KCNU1: variants seen among roughly 807,000 people sequenced by gnomAD.
KCNU1 encodes potassium channel subfamily U member 1.
KCNU1 carries 93 observed loss-of-function variants against 126.8 expected under a neutral mutation model. The observed-to-expected ratio is 0.73, with a 90% CI of 0.62 to 0.87. KCNU1 has a LOEUF of 0.87. Among genes scored for constraint, KCNU1 ranks in the 40% least tolerant of loss-of-function variants. KCNU1 has a pLI of 0.00. For missense variants in KCNU1, 1,330 were observed against 1,367.1 expected (o/e 0.97, Z 0.43); for synonymous variants, 523 against 494.2 (o/e 1.06, Z -0.77).
At chr8:36,833,729 G>C (rs1419831200) in intron 11 of KCNU1, 70 bp downstream of exon 11, 1 of 870,448 alleles carries the variant, frequency 1.1e-6, no homozygotes, top group Non-Finnish European at 1.9e-6. Context: ...AGGATATATT[G>C]CTTTTTAAAA....
intron 16 of KCNU1, among the ~76,000 whole-genome samples, chr8:36,843,493 A>G (rs1042459911): frequency 2.6e-5 from 4 of 152,170 alleles, no homozygotes; most frequent in Admixed American, 1.3e-4. Flanking sequence ...TATTAGTCTC[A>G]TTTTACAGAG....
intron 10 of KCNU1, among the ~76,000 whole-genome samples, chr8:36,828,682 T>C (rs1430821948): frequency 6.6e-6 from 1 of 152,096 alleles, no homozygotes; most frequent in African/African-American, 2.4e-5. Flanking sequence ...ATTTTGCAAT[T>C]GGAAATAGTT....
chr8:36,891,445 A>AGGAT (rs1182639569), intron 19 of KCNU1, among the ~76,000 whole-genome samples: 2 of 151,994 alleles, frequency 1.3e-5, no homozygotes, highest in South Asian at 2.1e-4. Flanking sequence ...ATAATACAAA[A>AGGAT]GGATGGATGG....
Position 36,935,601 on chromosome 8 carries a change from A to T in KCNU1, c.3131A>T (p.Tyr1044Phe), listed in dbSNP as rs774491968. 2 of 1,613,342 alleles carry T rather than the reference A, an allele frequency of 1.2e-6. No homozygotes were observed. The highest frequency in any genetic ancestry group is 1.7e-6 in the Non-Finnish European group (2 of 1,179,440). ...GCCATACCCTTCAGCACTGCTTGTT[A>T]TAAAAGGAATGAAGAGTTCTCATTG... ...FCAIPFSTAC[Y>F]KRNEEFSLQK... is the part of the protein sequence containing the mutation. The change falls in exon 27 of 27, where the codon TAT (tyrosine) becomes TTT (phenylalanine). Residue 1044 changes from tyrosine (Y) to phenylalanine (F), a missense_variant. This residue lies in a region of KCNU1 where 1,054 missense variants were observed against 1,053.9 expected (regional missense o/e 1.00). Coordinates refer to ENST00000399881, the MANE Select transcript of KCNU1 (RefSeq NM_001031836.3).
rs185812540 is a variant in KCNU1, at chr8:36,846,305, C to T, written c.1891+406C>T. On this transcript the variant is annotated intron_variant, in intron 18 of 26. Coordinates refer to ENST00000399881, the MANE Select transcript of KCNU1 (RefSeq NM_001031836.3). Reference sequence around the variant, plus strand: ...TTGGTTGGCCACGAGGATGCTACCTCATGACCATACCTTAAGTACTCTGTT... The same window carrying T: ...TTGGTTGGCCACGAGGATGCTACCTTATGACCATACCTTAAGTACTCTGTT... Among the ~76,000 whole-genome samples, 6 of 152,314 alleles carry T rather than the reference C, an allele frequency of 3.9e-5. No homozygotes were observed. In the South Asian group the frequency reaches 6.2e-4, roughly 16 times the overall value.
At chr8:36,793,292 A>ATG (rs1197225027) in intron 2 of KCNU1, among the ~76,000 whole-genome samples, 1 of 152,188 alleles carries the variant, frequency 6.6e-6, no homozygotes, top group African/African-American at 2.4e-5. Context: ...AACGTGGCAC[A>ATG]TGTATATATA....
intron 24 of KCNU1, among the ~76,000 whole-genome samples, chr8:36,923,217 A>G (rs1324783449): frequency 1.3e-5 from 2 of 152,170 alleles, no homozygotes; most frequent in Non-Finnish European, 2.9e-5. Flanking sequence ...ACAAATGCCC[A>G]CTGAACACCT....
chr8:36,799,627 C>G (rs1031853344), intron 2 of KCNU1, among the ~76,000 whole-genome samples: 1 of 151,606 alleles, frequency 6.6e-6, no homozygotes, highest in South Asian at 2.1e-4. Context: ...CTCTGCCTCC[C>G]GGGTTCAATC....
intron 10 of KCNU1, among the ~76,000 whole-genome samples, chr8:36,829,832 A>G (rs1337327581): frequency 1.3e-5 from 2 of 151,080 alleles, no homozygotes; most frequent in South Asian, 2.1e-4. Context: ...AGAGCTTACT[A>G]ACTTTTATTT....
In KCNU1 at chr8:36,892,860, G is replaced by A. The variant is rs193018890; in HGVS notation, c.2010-12848G>A. ...GAATACCTCAGGTTTTTTTTCCCCTGGGTGTATTTACAACTCTGCACATGC... is the reference window on the plus strand; with the variant it reads ...GAATACCTCAGGTTTTTTTTCCCCTAGGTGTATTTACAACTCTGCACATGC... On this transcript the variant is annotated intron_variant, in intron 19 of 26. Transcript: ENST00000399881. 2.5e-3 allele frequency among the ~76,000 whole-genome samples: 386 copies of A among 152,050 alleles called. 2 individuals carry two copies. The highest frequency in any genetic ancestry group is 9.0e-3 in the African/African-American group (375 of 41,498).
At chr8:36,932,216 G>A (rs1406336207) in intron 25 of KCNU1, among the ~76,000 whole-genome samples, 3 of 152,084 alleles carry the variant, frequency 2.0e-5, no homozygotes, top group Admixed American at 6.6e-5. Flanking sequence ...CCGTAGTCCC[G>A]GATTGCTCAC....
intron 19 of KCNU1, among the ~76,000 whole-genome samples, chr8:36,884,488 C>A (rs536750681): frequency 1.2e-4 from 18 of 152,272 alleles, no homozygotes; most frequent in Non-Finnish European, 1.8e-4. Context: ...GTAATCCCAG[C>A]ACTTTGGGAG....
intron 11 of KCNU1, among the ~76,000 whole-genome samples, chr8:36,834,361 C>T (rs1053414530): frequency 6.6e-6 from 1 of 152,218 alleles, no homozygotes; most frequent in African/African-American, 2.4e-5. Context: ...TCACACTCCA[C>T]CAATATTGAA....
chr8:36,784,833 T>A (rs566821165), intron 1 of KCNU1, among the ~76,000 whole-genome samples: 1 of 152,244 alleles, frequency 6.6e-6, no homozygotes, highest in South Asian at 2.1e-4. Context: ...AAAAGCAATG[T>A]CTTGTATGGA....
chr8:36,935,767 C>T lies in KCNU1; in HGVS notation c.3297C>T (p.Leu1099=), dbSNP rs1318163794. 6.2e-7 allele frequency: 1 copy of T among 1,613,486 alleles called. No homozygotes were observed. The highest frequency in any genetic ancestry group is 8.5e-7 in the Non-Finnish European group (1 of 1,179,572). Residue 1099 remains leucine, a synonymous_variant, in exon 27 of 27, where the codon CTC becomes CTT. Transcript: ENST00000399881. ...VYSYQPRTNS[L]SFPKQIAWNQ... ...CTTACCAGCCGAGAACTAACTCCCT[C>T]TCTTTTCCTAAGCAAATAGCATGGA...
chr8:36,787,106 T>C (rs1802734885), intron 1 of KCNU1, among the ~76,000 whole-genome samples, 200 bp from the exon 2 acceptor site: 1 of 152,130 alleles, frequency 6.6e-6, no homozygotes, highest in African/African-American at 2.4e-5. Flanking sequence ...AAAAAAGCTG[T>C]GCAGAAAACC....
intron 7 of KCNU1, 143 bp from the exon 8 acceptor site, chr8:36,814,064 A>G (rs1429394456): frequency 9.4e-6 from 6 of 637,696 alleles, no homozygotes; most frequent in Non-Finnish European, 1.6e-5. Context: ...CCATTTATGT[A>G]AACTCTTCAT....
chr8:36,871,165 T>C (rs1009886530), intron 19 of KCNU1, among the ~76,000 whole-genome samples: 2 of 152,144 alleles, frequency 1.3e-5, no homozygotes, highest in Non-Finnish European at 2.9e-5. Flanking sequence ...AAAATATACA[T>C]ACACATATAC....
chr8:36,922,121 C>G (rs1306426007), intron 23 of KCNU1, among the ~76,000 whole-genome samples: 1 of 152,010 alleles, frequency 6.6e-6, no homozygotes, highest in Non-Finnish European at 1.5e-5. Context: ...CCATGTGTTC[C>G]TATTTATTCC....
Sources: gnomAD v4.1 joint callset for allele counts (sites outside exome capture counted in the v4.1 genomes callset) on GRCh38, gnomAD v4.1.1 for gene constraint, gnomAD v4.1.1 regional missense constraint, MANE v1.5 for transcripts, NCBI Gene and HGNC (gene_info 2026-07-23, HGNC 2026-07-21) for gene names.